The following MYO7A variants were observed in gnomAD, a reference collection of about 807,000 sequenced individuals.
MYO7A encodes myosin VIIA.
In MYO7A, 210 loss-of-function variants were observed where a neutral mutation model predicts 263.8. The observed-to-expected ratio is 0.80, with a 90% CI of 0.71 to 0.89. The LOEUF (loss-of-function observed/expected upper bound fraction) is 0.89. Ranked by LOEUF, MYO7A falls within the 40% of genes least tolerant of loss-of-function variation. MYO7A has a pLI of 0.00. For synonymous variants in MYO7A, 1,239 were observed against 1,197.3 expected, an observed-to-expected ratio of 1.03 and a Z score of -0.72; for missense variants, 2,820 against 2,968.3, an observed-to-expected ratio of 0.95 and a Z score of 1.16.
chr11:77,139,834 C>G (rs957651953), intron 2 of MYO7A, among the ~76,000 whole-genome samples: 4 of 152,134 alleles, frequency 2.6e-5, no homozygotes, highest in African/African-American at 7.2e-5. Context: ...CCTCAGTTTC[C>G]TCGGCTGTAA....
At chr11:77,171,406 C>T (rs1954077726) in intron 15 of MYO7A, among the ~76,000 whole-genome samples, 1 of 152,186 alleles carries the variant, frequency 6.6e-6, no homozygotes, top group Admixed American at 6.5e-5. Flanking sequence ...ACAGATCTGA[C>T]CACCACCCTA....
intron 15 of MYO7A, among the ~76,000 whole-genome samples, chr11:77,167,562 C>A (rs1953669935): frequency 1.3e-5 from 2 of 152,126 alleles, no homozygotes; most frequent in South Asian, 4.1e-4. Context: ...ATCCTGAACT[C>A]TGGTTCAGGC....
chr11:77,181,150 G>A (rs912593843), intron 22 of MYO7A, among the ~76,000 whole-genome samples: 1 of 152,222 alleles, frequency 6.6e-6, no homozygotes, highest in South Asian at 2.1e-4. Flanking sequence ...GCTCCTGGAG[G>A]AGGTGGCTCC....
At chr11:77,200,317 A>G (rs943483888) in intron 35 of MYO7A, among the ~76,000 whole-genome samples, 25 of 152,220 alleles carry the variant, frequency 1.6e-4, no homozygotes, top group African/African-American at 5.8e-4. Flanking sequence ...TGGCACCAGC[A>G]TCTGCTTCTG....
At chr11:77,199,115 C>G (rs1162093138) in intron 34 of MYO7A, among the ~76,000 whole-genome samples, 2 of 152,148 alleles carry the variant, frequency 1.3e-5, no homozygotes, top group Non-Finnish European at 2.9e-5. Context: ...CCATCTGGGG[C>G]TTGTAGCAGT....
chr11:77,153,937 G>A (rs1952207623), intron 4 of MYO7A, among the ~76,000 whole-genome samples: 1 of 152,232 alleles, frequency 6.6e-6, no homozygotes, highest in African/African-American at 2.4e-5. Flanking sequence ...GGGCCAGACG[G>A]CTGAGCATCA....
At chr11:77,181,785 T>C (rs1213238095) in intron 23 of MYO7A, among the ~76,000 whole-genome samples, 166 bp from the exon 24 acceptor site, 1 of 136,486 alleles carries the variant, frequency 7.3e-6, no homozygotes, top group Admixed American at 7.9e-5. Flanking sequence ...TTTTGTTTTT[T>C]TTTTTTTTTT....
intron 20 of MYO7A, among the ~76,000 whole-genome samples, chr11:77,179,434 A>C (rs1954968101): frequency 6.6e-6 from 1 of 152,250 alleles, no homozygotes; most frequent in Non-Finnish European, 1.5e-5. Context: ...ACCTCTGTGC[A>C]GCAGCTGGGC....
intron 28 of MYO7A, 87 bp from the exon 29 acceptor site, chr11:77,189,933 C>T (rs1336411151): frequency 1.4e-6 from 2 of 1,443,346 alleles, no homozygotes; most frequent in African/African-American, 2.9e-5. Flanking sequence ...GAGGAGCGGC[C>T]TCCAAGTGCC....
At chr11:77,129,546 G>A (rs1457654430) in intron 1 of MYO7A, among the ~76,000 whole-genome samples, 1 of 152,180 alleles carries the variant, frequency 6.6e-6, no homozygotes, top group Non-Finnish European at 1.5e-5. Flanking sequence ...GCCCTGTGCT[G>A]GACAAGGCTG....
chr11:77,166,187 T>C, intron 15 of MYO7A, 25 bp downstream of exon 15: 1 of 1,603,634 alleles, frequency 6.2e-7, no homozygotes, highest in South Asian at 1.1e-5. Context: ...GTTTCTGTTG[T>C]TCGGGAAGGG....
intron 2 of MYO7A, among the ~76,000 whole-genome samples, chr11:77,136,549 T>A (rs1223789371): frequency 2.6e-5 from 4 of 152,062 alleles, no homozygotes; most frequent in African/African-American, 9.7e-5. Flanking sequence ...TTTCCCCTAA[T>A]GTCTGCCTAA....
At chr11:77,152,307 C>T (rs1018223444) in intron 4 of MYO7A, among the ~76,000 whole-genome samples, 17 of 152,360 alleles carry the variant, frequency 1.1e-4, no homozygotes, top group Non-Finnish European at 2.1e-4. Context: ...CCGCCTTTCC[C>T]GTCAGCATGG....
chr11:77,202,841 G>A (rs1369524797), intron 37 of MYO7A, among the ~76,000 whole-genome samples: 1 of 152,024 alleles, frequency 6.6e-6, no homozygotes, highest in Non-Finnish European at 1.5e-5. Context: ...ACAGCCCGTG[G>A]TGTTCTCGCC....
intron 30 of MYO7A, 162 bp downstream of exon 30, chr11:77,191,032 G>T: frequency 1.2e-6 from 1 of 804,322 alleles, no homozygotes. Flanking sequence ...CAGGACTGCC[G>T]AGAACTCGGC....
chr11:77,163,765 T>C (rs1953241816), intron 14 of MYO7A, among the ~76,000 whole-genome samples: 1 of 152,224 alleles, frequency 6.6e-6, no homozygotes. Context: ...GCCCTCATTT[T>C]TATGGCTGAA....
intron 15 of MYO7A, among the ~76,000 whole-genome samples, chr11:77,169,970 GGA>G (rs1953927481): frequency 6.6e-6 from 1 of 152,166 alleles, no homozygotes; most frequent in East Asian, 1.9e-4. Context: ...CAGCTATTCA[GGA>G]GGCTGAGACA....
In MYO7A at chr11:77,171,973, C is replaced by T. The variant is rs557658158; in HGVS notation, c.1798-775C>T. 4.0e-4 allele frequency among the ~76,000 whole-genome samples: 61 copies of T among 152,306 alleles called. 1 individual carries two copies. The highest frequency in any genetic ancestry group is 1.1e-3 in the African/African-American group (47 of 41,560). On this transcript the variant is annotated intron_variant, in intron 15 of 48. Transcript: ENST00000409709. Reference sequence around the variant, plus strand: ...TGGAGCACAGAACCCCTGGCTGCGTCGGAGCCACAGTGCGGGGGGTTAGGA... The same window carrying T: ...TGGAGCACAGAACCCCTGGCTGCGTTGGAGCCACAGTGCGGGGGGTTAGGA...
At chr11:77,159,402 T>TTGGGG in intron 9 of MYO7A, 45 bp from the exon 10 acceptor site, 7 of 839,822 alleles carry the variant, frequency 8.3e-6, no homozygotes, top group East Asian at 2.4e-5. Context: ...TTGCCCCTGT[T>TTGGGG]GCCCACCCTC....
Sources: allele counts gnomAD v4.1 joint callset (sites outside exome capture counted in the v4.1 genomes callset), GRCh38; gene constraint gnomAD v4.1.1; transcripts MANE v1.5; gene names NCBI Gene and HGNC (gene_info 2026-07-23, HGNC 2026-07-21).